Variants in USP36 observed in about 807,000 individuals in gnomAD.
USP36 encodes the protein ubiquitin carboxyl-terminal hydrolase 36.
Under a neutral mutation model 111.5 loss-of-function variants are expected in USP36, and 59 were observed. That is an observed-to-expected ratio of 0.53 (90% CI 0.43 to 0.66). The LOEUF is 0.66. USP36 is among the 30% of genes least tolerant of loss of function. USP36 has a pLI of 0.00. For missense variants in USP36, 1,488 were observed against 1,468.0 expected (o/e 1.01, Z -0.22); for synonymous variants, 628 against 581.0 (o/e 1.08, Z -1.16).
Position 78,835,339 on chromosome 17 carries a change from C to T in USP36, c.416G>A (p.Cys139Tyr), listed in dbSNP as rs1460962388. ...NTCFLNATIQ[C>Y]LTYTPPLANY... is the part of the protein sequence containing the mutation. ...GGCTAGAGGTGGTGTGTAGGTCAAGCACTGGATGGTGGCATTGAGAAAGCA... is the reference window on the plus strand; with the variant it reads ...GGCTAGAGGTGGTGTGTAGGTCAAGTACTGGATGGTGGCATTGAGAAAGCA... The change falls in exon 4 of 21, where the codon TGC (cysteine) becomes TAC (tyrosine). Residue 139 changes from cysteine (C) to tyrosine (Y), a missense_variant. By Grantham distance (194) the Cys-to-Tyr change is radical. Coordinates refer to ENST00000449938, the MANE Select transcript of USP36 (RefSeq NM_001385174.1). The T allele has an allele frequency of 6.2e-7, 1 of 1,614,182 alleles. No individual in the cohort carries two copies. Among genetic ancestry groups the T allele is most frequent in the Non-Finnish European group, 8.5e-7 (1 of 1,180,032 alleles).
downstream of USP36, among the ~76,000 whole-genome samples, chr17:78,792,778 G>C (rs2093594049): frequency 6.6e-6 from 1 of 152,080 alleles, no homozygotes; most frequent in South Asian, 2.1e-4. Flanking sequence ...GAGTGCAGTG[G>C]CATGATCTTG....
rs537842306 is a variant in USP36 at position 78,803,468 on chromosome 17, G to C, written c.2727C>G (p.His909Gln). 3 of 1,613,994 alleles carry C rather than the reference G, an allele frequency of 1.9e-6. No homozygotes were observed. Among genetic ancestry groups the C allele is most frequent in the Non-Finnish European group, 2.5e-6 (3 of 1,180,016 alleles). The change falls in exon 16 of 21, where the codon CAC becomes CAG. Residue 909 changes from histidine (H) to glutamine (Q), a missense_variant. By Grantham distance (24) the His-to-Gln change is conservative. Around this residue, in one of 3 missense-constraint regions of USP36, gnomAD observed 1,073 missense variants for 994.1 expected, o/e 1.08. Transcript: ENST00000449938. This position sits in a 1 kb window ranked among gnomAD's most constrained non-coding sequence, Gnocchi z 4.6. The part of the protein sequence containing the change: ...QQVGCVTDGH[H>Q]ASSRKRRRKG... ...TCCTCCTCCGCTTCCTGCTGCTCGCGTGGTGGCCGTCCGTAACACATCCCA... is the reference window on the plus strand; with the variant it reads ...TCCTCCTCCGCTTCCTGCTGCTCGCCTGGTGGCCGTCCGTAACACATCCCA...
At chr17:78,816,207 T>A (rs1380654434) in intron 10 of USP36, among the ~76,000 whole-genome samples, 1 of 151,834 alleles carries the variant, frequency 6.6e-6, no homozygotes, top group Non-Finnish European at 1.5e-5. Flanking sequence ...TCACCCAGGC[T>A]AGAGTGCAGT....
chr17:78,838,384 AAAC>A (rs1462831545), intron 2 of USP36, among the ~76,000 whole-genome samples, 200 bp downstream of exon 2: 23 of 150,628 alleles, frequency 1.5e-4, no homozygotes, highest in African/African-American at 4.7e-4. Flanking sequence ...AAAAAAAAAA[AAAC>A]AAAAAACAAA....
intron 4 of USP36, among the ~76,000 whole-genome samples, chr17:78,831,480 G>A (rs2068104758): frequency 6.6e-6 from 1 of 151,774 alleles, no homozygotes; most frequent in African/African-American, 2.4e-5. Context: ...GTGTGTGGTG[G>A]CAGTCACCTG....
chr17:78,803,789 A>G lies in USP36; in HGVS notation c.2406T>C (p.Ser802=), dbSNP rs2093818068. Residue 802 remains serine (S), a synonymous_variant, in exon 16 of 21, where the codon AGT becomes AGC. Coordinates refer to ENST00000449938, the MANE Select transcript of USP36 (RefSeq NM_001385174.1). This position sits in a 1 kb window ranked among gnomAD's most constrained non-coding sequence, Gnocchi z 4.6. ...VSLPHQLPEA[S]EPPQSPSEKR... ...TCTCAGAGGGGCTCTGGGGGGGCTC[A>G]CTGGCCTCTGGCAACTGGTGTGGAA... 2.5e-6 allele frequency: 4 copies of G among 1,612,686 alleles called. No homozygotes were observed. The highest frequency in any genetic ancestry group is 3.4e-6 in the Non-Finnish European group (4 of 1,179,992).
chr17:78,810,579 C>T (rs776087734), intron 13 of USP36, among the ~76,000 whole-genome samples: 22 of 152,300 alleles, frequency 1.4e-4, no homozygotes, highest in Middle Eastern at 3.4e-3. Context: ...AGTCCCAGGC[C>T]CAGGCTGCTT....
chr17:78,818,396 A>C (rs1359999813), intron 10 of USP36, among the ~76,000 whole-genome samples: 1 of 152,182 alleles, frequency 6.6e-6, no homozygotes, highest in Non-Finnish European at 1.5e-5. Flanking sequence ...CCTGTCCTCC[A>C]GAGATTCAAA....
chr17:78,803,954 T>C lies in USP36; in HGVS notation c.2241A>G (p.Ser747=). The C allele has an allele frequency of 4.4e-6, 7 of 1,600,140 alleles. No individual in the cohort carries two copies. Among genetic ancestry groups the C allele is most frequent in the Non-Finnish European group, 5.9e-6 (7 of 1,176,640 alleles). The change falls in exon 16 of 21, where the codon TCA becomes TCG. Residue 747 remains serine (S), a synonymous_variant. Transcript: ENST00000449938. This position sits in a 1 kb window ranked among gnomAD's most constrained non-coding sequence, Gnocchi z 4.6. ...TGAAGGGGGGTTGCAGGCGGCTGGATGATTGGGGAGCAGGTGACACAGCCC... is the reference window on the plus strand; with the variant it reads ...TGAAGGGGGGTTGCAGGCGGCTGGACGATTGGGGAGCAGGTGACACAGCCC... ...RARAVSPAPQ[S]SSRLQPPFSP... is the part of the protein sequence containing the mutation.
In USP36 at chr17:78,807,419, G is replaced by C; in HGVS notation, c.1625C>G (p.Pro542Arg). 1 of 1,614,180 alleles carries C rather than the reference G, an allele frequency of 6.2e-7. No homozygotes were observed. Among genetic ancestry groups the C allele is most frequent in the Non-Finnish European group, 8.5e-7 (1 of 1,180,022 alleles). ...PGKKVKKPAPPQHFSPRTAQG... is the reference protein window; with the variant it reads ...PGKKVKKPAPRQHFSPRTAQG... ...AGCAGTTCTGGGGGAAAAGTGCTGT[G>C]GAGGAGCTGGCTTCTTCACCTTCTT... The change falls in exon 14 of 21, where the codon CCA becomes CGA. Residue 542 changes from proline to arginine, a missense_variant. Around this residue, in one of 3 missense-constraint regions of USP36, gnomAD observed 1,073 missense variants for 994.1 expected, o/e 1.08. Coordinates refer to ENST00000449938, the MANE Select transcript of USP36 (RefSeq NM_001385174.1).
At chr17:78,828,814 G>A in intron 5 of USP36, 83 bp downstream of exon 5, 1 of 1,364,246 alleles carries the variant, frequency 7.3e-7, no homozygotes, top group Non-Finnish European at 1.0e-6. Flanking sequence ...AGACCAGCCT[G>A]GGCAACATAG....
At chr17:78,827,085 C>A (rs1272772967) in intron 6 of USP36, 160 bp downstream of exon 6, 12 of 785,014 alleles carry the variant, frequency 1.5e-5, no homozygotes, top group Non-Finnish European at 2.0e-5. Flanking sequence ...CCTATTTGGG[C>A]TCCAACAGTT....
rs750083762 is a variant in USP36, at chr17:78,827,091, C to A, written c.689+154G>T. On this transcript the variant is annotated intron_variant, in intron 6 of 20. Coordinates refer to ENST00000449938, the MANE Select transcript of USP36 (RefSeq NM_001385174.1). ...GGGCAATCCCCTATTTGGGCTCCAACAGTTTGAGTACCCAGAGGCAAATTC... is the reference window on the plus strand; with the variant it reads ...GGGCAATCCCCTATTTGGGCTCCAAAAGTTTGAGTACCCAGAGGCAAATTC... 4 of 816,738 alleles carry A rather than the reference C, an allele frequency of 4.9e-6. No individual in the cohort carries two copies. In the South Asian group the frequency reaches 5.7e-5, roughly 12 times the overall value. The allele number at this position is 816,738 out of a possible 1,614,324, so 50.6% of individuals were successfully genotyped here.
At chr17:78,829,436 C>T (rs573724123) in intron 4 of USP36, among the ~76,000 whole-genome samples, 11 of 152,270 alleles carry the variant, frequency 7.2e-5, no homozygotes, top group South Asian at 4.1e-4. Context: ...GGCTGACAGC[C>T]CCTTAGTAGT....
At chr17:78,807,682 T>C in intron 13 of USP36, 46 bp from the exon 14 acceptor site, 4 of 1,498,978 alleles carry the variant, frequency 2.7e-6, no homozygotes, top group Non-Finnish European at 3.6e-6. Flanking sequence ...GCGAGAAGTC[T>C]CAGCTGGGCC....
At chr17:78,821,741 G>A (rs536808366) in intron 7 of USP36, among the ~76,000 whole-genome samples, 196 bp downstream of exon 7, 3 of 152,014 alleles carry the variant, frequency 2.0e-5, no homozygotes, top group East Asian at 3.9e-4. Context: ...CCCAGCCCTC[G>A]TGGGAATATT....
At chr17:78,793,381 G>T (rs2093598873), downstream of USP36, among the ~76,000 whole-genome samples, 2 of 152,152 alleles carry the variant, frequency 1.3e-5, no homozygotes, top group Non-Finnish European at 2.9e-5. Flanking sequence ...CAAAAGGCAG[G>T]CAGAGCCCAA....
At chr17:78,828,346 G>C (rs1438362231) in intron 5 of USP36, among the ~76,000 whole-genome samples, 1 of 152,204 alleles carries the variant, frequency 6.6e-6, no homozygotes, top group African/African-American at 2.4e-5. Flanking sequence ...TTTCTGCCAA[G>C]TGAATGTGAA....
intron 3 of USP36, among the ~76,000 whole-genome samples, chr17:78,788,908 A>G (rs2093558014): frequency 6.6e-6 from 1 of 152,102 alleles, no homozygotes; most frequent in African/African-American, 2.4e-5. Flanking sequence ...GCTTCACGAA[A>G]GAGAGATGAG....
Sources: gnomAD v4.1 joint callset for allele counts (sites outside exome capture counted in the v4.1 genomes callset) on GRCh38, gnomAD v4.1.1 for gene constraint, gnomAD v4.1.1 regional missense constraint, Gnocchi (gnomAD v3.1) non-coding constraint, MANE v1.5 for transcripts, NCBI Gene and HGNC (gene_info 2026-07-23, HGNC 2026-07-21) for gene names.